CHN2: variants seen among roughly 807,000 people sequenced by gnomAD.
CHN2 encodes the protein beta-chimaerin.
Under a neutral mutation model 56.3 loss-of-function variants are expected in CHN2, and 35 were observed. The ratio of observed to expected loss-of-function variants is 0.62; its 90% confidence interval spans 0.47 to 0.82. The LOEUF (loss-of-function observed/expected upper bound fraction) is 0.82, where lower values mean the gene tolerates loss of function less well. Among genes scored for constraint, CHN2 ranks in the 40% least tolerant of loss-of-function variants. CHN2 has a pLI of 0.00. For synonymous variants in CHN2, 210 were observed against 212.8 expected (o/e 0.99, Z 0.12); for missense variants, 491 against 580.5 (o/e 0.85, Z 1.58).
rs869037854 is a variant in CHN2 at position 29,195,629 on chromosome 7, A to AGAGAGAGAGAGAGAGAGAGAGAGTGT, written c.49+640_49+641insAGAGAGAGAGAGAGAGAGAGAGTGTG. On this transcript the variant is annotated intron_variant, in intron 1 of 12. Coordinates refer to ENST00000222792, the MANE Select transcript of CHN2 (RefSeq NM_004067.4). ...GAGAGAGAGAGAGAGAGAGAGAGAGAGTGTGTGTGTGTGTGTGTGTGAGAG... is the reference window on the plus strand; with the variant it reads ...GAGAGAGAGAGAGAGAGAGAGAGAGAGAGAGAGAGAGAGAGAGAGAGAGTGTGTGTGTGTGTGTGTGTGTGTGAGAG... Among the ~76,000 whole-genome samples the AGAGAGAGAGAGAGAGAGAGAGAGTGT allele has an allele frequency of 1.1e-4, 13 of 117,568 alleles. No homozygotes were observed. The East Asian group carries it at 1.5e-3, about 14-fold the overall frequency. 77.1% of individuals were successfully genotyped at this position (117,568 alleles called of 152,430 possible).
chr7:29,483,950 T>C, intron 7 of CHN2: 1 of 1,138,532 alleles, frequency 8.8e-7, no homozygotes, highest in Non-Finnish European at 1.2e-6. Flanking sequence ...TACATGCGAG[T>C]CACTTATCGT....
At chr7:29,195,106 TG>T in intron 1 of CHN2, 116 bp downstream of exon 1, 1 of 1,127,356 alleles carries the variant, frequency 8.9e-7, no homozygotes, top group Non-Finnish European at 1.2e-6. Flanking sequence ...TCTCTCGGAA[TG>T]GGGGCAGGCG....
chr7:29,390,893 A>T (rs1442706259), intron 3 of CHN2, among the ~76,000 whole-genome samples: 2 of 152,144 alleles, frequency 1.3e-5, no homozygotes, highest in Non-Finnish European at 2.9e-5. Flanking sequence ...ATCCAGTATT[A>T]TCCACCTTGA....
At chr7:29,167,417 T>C (rs994676674) in intron 2 of CHN2, among the ~76,000 whole-genome samples, 13 of 152,202 alleles carry the variant, frequency 8.5e-5, no homozygotes, top group African/African-American at 3.1e-4. Context: ...GAGAGCTATT[T>C]CCAGTTTTTC....
chr7:29,178,422 C>T (rs1342670091), intron 2 of CHN2, among the ~76,000 whole-genome samples: 3 of 152,106 alleles, frequency 2.0e-5, no homozygotes, highest in African/African-American at 4.8e-5. Flanking sequence ...CTCCACTGGC[C>T]GCCTTTCCTG....
chr7:29,358,153 C>A (rs563921863), intron 2 of CHN2, among the ~76,000 whole-genome samples: 1 of 152,130 alleles, frequency 6.6e-6, no homozygotes, highest in Non-Finnish European at 1.5e-5. Flanking sequence ...TTTTCATTGA[C>A]GTTTTTTTGG....
At chr7:29,339,479 G>A (rs971497228) in intron 1 of CHN2, among the ~76,000 whole-genome samples, 2 of 152,096 alleles carry the variant, frequency 1.3e-5, no homozygotes, top group African/African-American at 4.8e-5. Context: ...TCCTTTTTGT[G>A]CCTTCATAGT....
At chr7:29,358,806 G>A (rs1370734735) in intron 2 of CHN2, among the ~76,000 whole-genome samples, 1 of 152,104 alleles carries the variant, frequency 6.6e-6, no homozygotes, top group African/African-American at 2.4e-5. Context: ...TTTATTCTTG[G>A]CTGCAAGCAA....
chr7:29,406,756 A>G (rs959073321), intron 6 of CHN2, among the ~76,000 whole-genome samples: 4 of 152,070 alleles, frequency 2.6e-5, no homozygotes, highest in African/African-American at 9.7e-5. Context: ...CCCTCCGCCA[A>G]TGTGTGTTTT....
intron 9 of CHN2, among the ~76,000 whole-genome samples, chr7:29,504,382 GA>G (rs1201583843): frequency 6.6e-6 from 1 of 152,186 alleles, no homozygotes; most frequent in Non-Finnish European, 1.5e-5. Context: ...ATGCTAGGAA[GA>G]AAGCCAGGTT....
At chr7:29,374,837 C>CTTCCTTCCTTCCTTCT (rs1298812525) in intron 3 of CHN2, among the ~76,000 whole-genome samples, 3 of 149,236 alleles carry the variant, frequency 2.0e-5, no homozygotes, top group Non-Finnish European at 4.4e-5. Context: ...TCCTTCCTTC[C>CTTCCTTCCTTCCTTCT]TTCCTTCCTT....
intron 1 of CHN2, among the ~76,000 whole-genome samples, chr7:29,251,705 A>G (rs1178922234): frequency 6.6e-6 from 1 of 152,224 alleles, no homozygotes; most frequent in Non-Finnish European, 1.5e-5. Flanking sequence ...TTTCCTCAAC[A>G]TAGTGTTCTG....
At chr7:29,452,304 C>G (rs1378870569) in intron 6 of CHN2, among the ~76,000 whole-genome samples, 2 of 152,146 alleles carry the variant, frequency 1.3e-5, no homozygotes, top group Non-Finnish European at 2.9e-5. Context: ...ACAATATCGC[C>G]AGGCTGGGCC....
At chr7:29,461,880 G>T (rs932699647) in intron 6 of CHN2, among the ~76,000 whole-genome samples, 1 of 151,138 alleles carries the variant, frequency 6.6e-6, no homozygotes, top group African/African-American at 2.4e-5. Flanking sequence ...GGAAGGAAGA[G>T]AGAGGATGCA....
intron 3 of CHN2, among the ~76,000 whole-genome samples, chr7:29,368,860 A>G (rs1444033776): frequency 6.6e-6 from 1 of 152,168 alleles, no homozygotes; most frequent in East Asian, 1.9e-4. Flanking sequence ...TTGAAGGGCA[A>G]TGAAATTTAT....
chr7:29,302,283 T>TCTTCTTCCTCCTCTTCTTC (rs1793745455), intron 1 of CHN2, among the ~76,000 whole-genome samples: 1 of 151,912 alleles, frequency 6.6e-6, no homozygotes, highest in African/African-American at 2.4e-5. Context: ...TTCCTCCTCT[T>TCTTCTTCCTCCTCTTCTTC]CTTCTTCCTC....
At chr7:29,175,524 A>T (rs245911) in intron 2 of CHN2, among the ~76,000 whole-genome samples, 102,262 of 151,856 alleles carry the variant, frequency 0.67, 35,402 homozygotes, top group East Asian at 0.99. Flanking sequence ...TGGCTCTCAT[A>T]CTCTCTTGCC....
chr7:29,358,126 A>C (rs1276618146), intron 2 of CHN2, among the ~76,000 whole-genome samples: 1 of 152,218 alleles, frequency 6.6e-6, no homozygotes, highest in Non-Finnish European at 1.5e-5. Flanking sequence ...TTAGACAAGT[A>C]AGTAGCTATG....
In CHN2 at chr7:29,211,450, GCACACACACACACA is replaced by G. The variant is rs148200755; in HGVS notation, c.49+16491_49+16504del. Among the ~76,000 whole-genome samples, 213 of 138,444 alleles carry G rather than the reference GCACACACACACACA, an allele frequency of 1.5e-3. 2 individuals are homozygous for G. In the East Asian group the frequency reaches 0.03, roughly 19 times the overall value. The allele number at this position is 138,444 out of a possible 152,430, so 90.8% of individuals were successfully genotyped here. A position where few individuals can be genotyped will look rare whatever the true frequency, so the allele number is the denominator to read the frequency against. Reference sequence around the variant, plus strand: ...GACTAAACACAAATGCTGCATGTTGGCACACACACACACACACACACACACACACACACACACAC... The same window carrying G: ...GACTAAACACAAATGCTGCATGTTGGCACACACACACACACACACACACAC... On this transcript the variant is annotated intron_variant, in intron 1 of 12. Coordinates refer to ENST00000222792, the MANE Select transcript of CHN2 (RefSeq NM_004067.4).
Sources: allele counts gnomAD v4.1 joint callset (sites outside exome capture counted in the v4.1 genomes callset), GRCh38; gene constraint gnomAD v4.1.1; transcripts MANE v1.5; gene names NCBI Gene and HGNC (gene_info 2026-07-23, HGNC 2026-07-21).